Variants in STXBP3 observed in about 807,000 individuals in gnomAD.
The protein encoded by STXBP3 is syntaxin binding protein 3.
In STXBP3, 41 loss-of-function variants were observed where a neutral mutation model predicts 85.7. The observed-to-expected ratio is 0.48, with a 90% confidence interval of 0.37 to 0.62. The LOEUF (loss-of-function observed/expected upper bound fraction) is 0.62, where lower values mean the gene tolerates loss of function less well. STXBP3 is among the 20% of genes least tolerant of loss of function. The pLI is 0.00. For synonymous variants in STXBP3, 229 were observed against 231.7 expected, an observed-to-expected ratio of 0.99 and a Z score of 0.10; for missense variants, 563 against 703.1, an observed-to-expected ratio of 0.80 and a Z score of 2.25.
chr1:108,775,004 G>A (rs968482793), intron 7 of STXBP3, among the ~76,000 whole-genome samples: 8 of 151,736 alleles, frequency 5.3e-5, no homozygotes, highest in East Asian at 3.9e-4. Flanking sequence ...ATTCCTTTAC[G>A]CTTTATAAAG....
chr1:108,782,943 T>C lies in STXBP3; in HGVS notation c.963+237T>C, dbSNP rs1356264202. On this transcript the variant is annotated intron_variant, in intron 11 of 18. Transcript: ENST00000370008. ...TTTGAGACATAGTCTCACTCTGCCA[T>C]GCAGGCTGGAGTGCAGTTGCGCCAT... Among the ~76,000 whole-genome samples, 4 of 152,234 alleles carry C rather than the reference T, an allele frequency of 2.6e-5. 1 individual carries two copies. Among genetic ancestry groups the C allele is most frequent in the Non-Finnish European group, 5.9e-5 (4 of 68,040 alleles).
chr1:108,781,174 T>TTTTCATCAATTATATA (rs1428551954), intron 9 of STXBP3: 1 of 152,248 alleles, frequency 6.6e-6, no homozygotes, highest in Non-Finnish European at 1.5e-5. Context: ...CTTTCATCCT[T>TTTTCATCAATTATATA]AGTGCAGCCT....
intron 1 of STXBP3, 82 bp downstream of exon 1, chr1:108,746,868 C>A (rs993334934): frequency 2.1e-6 from 3 of 1,418,870 alleles, no homozygotes; most frequent in Non-Finnish European, 2.9e-6. Flanking sequence ...CCCAACCCAG[C>A]GGTCTGTTGA....
chr1:108,776,373 GA>G lies in STXBP3; in HGVS notation c.641del (p.Lys214SerfsTer13), dbSNP rs762321331. 12 of 1,608,580 alleles carry G rather than the reference GA, an allele frequency of 7.5e-6. No homozygotes were observed. The highest frequency in any genetic ancestry group is 2.7e-5 in the African/African-American group (2 of 74,698). On this transcript the variant is annotated frameshift_variant, in exon 8 of 19. Transcript: ENST00000370008. LOFTEE classifies it high-confidence loss of function. ...TGCCAGTAAGCTTGCACAGCTTGTT[GA>G]AAAAAAGCTTGAAGACTACTACAAG... ...DNASKLAQLV[E>X]KKLEDYYKID... is the part of the protein sequence containing the mutation.
At chr1:108,775,064 T>TTTAATTTATTGTACAA (rs1553196893) in intron 7 of STXBP3, among the ~76,000 whole-genome samples, 2 of 151,982 alleles carry the variant, frequency 1.3e-5, no homozygotes, top group African/African-American at 4.8e-5. Context: ...GTACAAAGAG[T>TTTAATTTATTGTACAA]TTAATTTATT....
chr1:108,807,066 A>C (rs1308446858), intron 17 of STXBP3, among the ~76,000 whole-genome samples: 1 of 152,178 alleles, frequency 6.6e-6, no homozygotes, highest in Non-Finnish European at 1.5e-5. Flanking sequence ...AGCGTGGCCA[A>C]CATGGTGAAA....
At chr1:108,806,260 C>T (rs1377042617) in intron 17 of STXBP3, among the ~76,000 whole-genome samples, 1 of 152,174 alleles carries the variant, frequency 6.6e-6, no homozygotes, top group East Asian at 1.9e-4. Context: ...TCCAGTATGA[C>T]AGCCACTAGC....
intron 7 of STXBP3, among the ~76,000 whole-genome samples, chr1:108,774,056 T>G (rs142421521): frequency 6.6e-6 from 1 of 152,292 alleles, no homozygotes; most frequent in East Asian, 1.9e-4. Flanking sequence ...CATCTGACTT[T>G]TAACACATAG....
intron 4 of STXBP3, 53 bp from the exon 5 acceptor site, chr1:108,758,457 A>G: frequency 1.1e-6 from 1 of 890,164 alleles, no homozygotes; most frequent in Non-Finnish European, 1.6e-6. Flanking sequence ...AAAAGGTAAC[A>G]TATTTAAATT....
At chr1:108,784,798 A>G (rs1662790741) in intron 11 of STXBP3, among the ~76,000 whole-genome samples, 1 of 152,248 alleles carries the variant, frequency 6.6e-6, no homozygotes, top group South Asian at 2.1e-4. Context: ...GGCATTGGGT[A>G]AATACACCTG....
At position 108,758,515 on chromosome 1, in the gene STXBP3, A is replaced by G. The variant is rs1360349595; in HGVS notation, c.264A>G (p.Val88=). The change falls in exon 5 of 19, where the codon GTA becomes GTG. Residue 88 remains valine, a synonymous_variant. Coordinates refer to ENST00000370008, the MANE Select transcript of STXBP3 (RefSeq NM_007269.4). ...LYFITPTSKS[V]DCFLHDFASK... is the part of the protein sequence containing the mutation. ...AACATCTAACCTTTTTTAAGTCTGT[A>G]GATTGTTTCTTACATGATTTTGCAA... The G allele has an allele frequency of 2.0e-6, 3 of 1,517,192 alleles. No homozygotes were observed. Among genetic ancestry groups the G allele is most frequent in the Non-Finnish European group, 1.8e-6 (2 of 1,121,746 alleles). The allele number at this position is 1,517,192 out of a possible 1,614,324, so 94.0% of individuals were successfully genotyped here.
At chr1:108,771,011 A>G (rs1662380560) in intron 6 of STXBP3, among the ~76,000 whole-genome samples, 1 of 151,928 alleles carries the variant, frequency 6.6e-6, no homozygotes, top group Non-Finnish European at 1.5e-5. Context: ...TTTTTGGGTT[A>G]CTCTCTAATG....
chr1:108,759,444 A>G (rs185569360), intron 5 of STXBP3, among the ~76,000 whole-genome samples: 1 of 152,294 alleles, frequency 6.6e-6, no homozygotes. Context: ...AGTGGTTGAT[A>G]TTCCAACCTA....
At chr1:108,798,013 C>T (rs749219012) in intron 15 of STXBP3, 132 bp from the exon 16 acceptor site, 11 of 717,236 alleles carry the variant, frequency 1.5e-5, no homozygotes, top group Admixed American at 2.8e-5. Context: ...AAATAGGCAT[C>T]TCCACTCTTA....
At chr1:108,759,963 C>T in intron 5 of STXBP3, 22 bp from the exon 6 acceptor site, 1 of 1,407,634 alleles carries the variant, frequency 7.1e-7, no homozygotes, top group Non-Finnish European at 9.8e-7. Flanking sequence ...TAACTATATG[C>T]TTTGTTTTTT....
At chr1:108,803,197 C>T (rs1006676995) in intron 17 of STXBP3, among the ~76,000 whole-genome samples, 2 of 152,140 alleles carry the variant, frequency 1.3e-5, no homozygotes, top group Non-Finnish European at 2.9e-5. Context: ...GCATATTTGA[C>T]TCAACAAAGT....
intron 18 of STXBP3, 27 bp downstream of exon 18, chr1:108,807,576 G>GA: frequency 7.4e-7 from 1 of 1,342,464 alleles, no homozygotes; most frequent in Non-Finnish European, 9.9e-7. Flanking sequence ...CTTCTTTTCT[G>GA]TTTTTTTTTT....
intron 6 of STXBP3, among the ~76,000 whole-genome samples, chr1:108,771,594 C>G (rs796956592): frequency 2.2e-4 from 7 of 31,326 alleles, no homozygotes; most frequent in East Asian, 8.7e-4. Context: ...CTATATATAT[C>G]ATATATAAAT....
chr1:108,782,361 G>A, intron 9 of STXBP3, 61 bp from the exon 10 acceptor site: 1 of 1,241,412 alleles, frequency 8.1e-7, no homozygotes, highest in Non-Finnish European at 1.1e-6. Context: ...TTGTAAAAAT[G>A]TTTCTTTTGA....
Sources: allele counts gnomAD v4.1 joint callset (sites outside exome capture counted in the v4.1 genomes callset), GRCh38; gene constraint gnomAD v4.1.1; transcripts MANE v1.5; gene names NCBI Gene and HGNC (gene_info 2026-07-23, HGNC 2026-07-21).